LRMDA: variants seen among roughly 807,000 people sequenced by gnomAD.
LRMDA encodes the protein leucine rich melanocyte differentiation associated, also known as leucine-rich melanocyte differentiation-associated protein.
In LRMDA, 18 loss-of-function variants were observed where a neutral mutation model predicts 29.8. That is an observed-to-expected ratio of 0.60 (90% confidence interval 0.42 to 0.90). The LOEUF is 0.90. Among genes scored for constraint, LRMDA ranks in the 40% least tolerant of loss-of-function variants. LRMDA has a pLI of 0.00. For missense variants in LRMDA, 273 were observed against 273.9 expected (o/e 1.00, Z 0.02); for synonymous variants, 125 against 109.4 (o/e 1.14, Z -0.89).
chr10:76,110,022 GCCACAGTTT>G (rs1849551573), intron 5 of LRMDA, among the ~76,000 whole-genome samples: 1 of 152,146 alleles, frequency 6.6e-6, no homozygotes, highest in Non-Finnish European at 1.5e-5. Flanking sequence ...TCATGGGACA[GCCACAGTTT>G]GAAAGTACTC....
chr10:75,520,075 T>A (rs550605517), intron 2 of LRMDA, among the ~76,000 whole-genome samples: 5 of 152,346 alleles, frequency 3.3e-5, no homozygotes, highest in African/African-American at 9.6e-5. Context: ...CTTCCCTTTG[T>A]GGGTAACCCG....
At chr10:75,859,661 G>T (rs918705661) in intron 2 of LRMDA, among the ~76,000 whole-genome samples, 2 of 144,928 alleles carry the variant, frequency 1.4e-5, no homozygotes, top group Non-Finnish European at 3.0e-5. Context: ...ATCTGGCCTC[G>T]ATGCCTCATA....
intron 6 of LRMDA, among the ~76,000 whole-genome samples, chr10:76,338,515 A>T (rs960971540): frequency 1.3e-5 from 2 of 152,174 alleles, no homozygotes; most frequent in African/African-American, 4.8e-5. Context: ...CACATGGGTC[A>T]CATTGTCTGT....
rs932506239 is a variant in LRMDA, at chr10:76,540,165, C to T, written c.602-17044C>T. The stretch of plus-strand genomic sequence containing the variant: ...CATGCCCATATTCAACACACATGCA[C>T]GCAAAACATGCAACACACATTAGTG... On this transcript the variant is annotated intron_variant, in intron 6 of 6. Transcript: ENST00000611255. Among the ~76,000 whole-genome samples the T allele has an allele frequency of 6.0e-5, 9 of 150,912 alleles. No homozygotes were observed. In the South Asian group the frequency reaches 8.3e-4, roughly 14 times the overall value.
chr10:76,174,774 G>A (rs1341823985), intron 5 of LRMDA, among the ~76,000 whole-genome samples: 5 of 152,170 alleles, frequency 3.3e-5, no homozygotes, highest in African/African-American at 4.8e-5. Context: ...TCAAATACAA[G>A]TTTCACCATT....
intron 2 of LRMDA, among the ~76,000 whole-genome samples, chr10:75,479,321 C>G (rs1370160319): frequency 1.3e-5 from 2 of 151,976 alleles, no homozygotes; most frequent in Non-Finnish European, 2.9e-5. Flanking sequence ...TCCTACATAA[C>G]ACGGTGAAAC....
At chr10:75,833,291 A>G (rs1006165356) in intron 2 of LRMDA, among the ~76,000 whole-genome samples, 10 of 152,198 alleles carry the variant, frequency 6.6e-5, no homozygotes, top group Non-Finnish European at 1.2e-4. Flanking sequence ...CCACGTATTA[A>G]AGCCTGAAAG....
intron 5 of LRMDA, among the ~76,000 whole-genome samples, chr10:76,297,542 T>C (rs2132355909): frequency 6.6e-6 from 1 of 152,358 alleles, no homozygotes; most frequent in African/African-American, 2.4e-5. Context: ...TTGGAGTTGT[T>C]CATTCCAGCT....
intron 2 of LRMDA, among the ~76,000 whole-genome samples, chr10:75,827,738 A>T: frequency 6.6e-6 from 1 of 152,242 alleles, no homozygotes; most frequent in East Asian, 1.9e-4. Context: ...TGCAGAATGT[A>T]CGTTATCCAT....
At chr10:75,602,885 G>A (rs1056333731) in intron 2 of LRMDA, among the ~76,000 whole-genome samples, 4 of 152,144 alleles carry the variant, frequency 2.6e-5, no homozygotes, top group Non-Finnish European at 5.9e-5. Flanking sequence ...GTGAAAGAAC[G>A]TAAGAAATAC....
At chr10:76,348,010 G>A (rs950486883) in intron 6 of LRMDA, among the ~76,000 whole-genome samples, 10 of 152,152 alleles carry the variant, frequency 6.6e-5, no homozygotes, top group Non-Finnish European at 1.5e-4. Context: ...ACTAGGAGGT[G>A]TGGTACATGC....
At chr10:76,439,419 A>C (rs540069496) in intron 6 of LRMDA, among the ~76,000 whole-genome samples, 3 of 152,186 alleles carry the variant, frequency 2.0e-5, no homozygotes, top group African/African-American at 7.2e-5. Context: ...TTGAGGGTGC[A>C]TGGTGGTTCA....
chr10:76,000,495 T>C (rs1847544044), intron 2 of LRMDA, among the ~76,000 whole-genome samples: 1 of 152,180 alleles, frequency 6.6e-6, no homozygotes, highest in East Asian at 1.9e-4. Context: ...GGGAAGGCAG[T>C]CCCAGCCTCA....
At chr10:75,962,317 T>A (rs1430710614) in intron 2 of LRMDA, among the ~76,000 whole-genome samples, 1 of 152,204 alleles carries the variant, frequency 6.6e-6, no homozygotes, top group African/African-American at 2.4e-5. Context: ...GAGCAGTGGC[T>A]TGCAAAGTGG....
intron 2 of LRMDA, among the ~76,000 whole-genome samples, chr10:75,564,422 C>T (rs1445624970): frequency 1.3e-5 from 2 of 152,222 alleles, no homozygotes; most frequent in Non-Finnish European, 2.9e-5. Flanking sequence ...CCCAATTTTC[C>T]AGGTGCCGTC....
chr10:76,055,089 A>AAAAAAG (rs1195089383), intron 4 of LRMDA, among the ~76,000 whole-genome samples: 4,557 of 124,988 alleles, frequency 0.036, 141 homozygotes, highest in Non-Finnish European at 0.059. Flanking sequence ...AAAAAAAAAA[A>AAAAAAG]AAAAAGAAAA....
At chr10:75,530,502 G>C (rs575306758) in intron 2 of LRMDA, among the ~76,000 whole-genome samples, 1 of 152,164 alleles carries the variant, frequency 6.6e-6, no homozygotes, top group African/African-American at 2.4e-5. Flanking sequence ...CCTTGCTGCT[G>C]ACCTCAGTGT....
intron 2 of LRMDA, among the ~76,000 whole-genome samples, chr10:75,854,902 AT>A (rs1458844323): frequency 6.6e-6 from 1 of 152,150 alleles, no homozygotes; most frequent in Admixed American, 6.5e-5. Flanking sequence ...TGAACTCATC[AT>A]TTTTTATGGC....
chr10:75,716,801 A>G (rs1842506079), intron 2 of LRMDA, among the ~76,000 whole-genome samples: 1 of 152,214 alleles, frequency 6.6e-6, no homozygotes, highest in African/African-American at 2.4e-5. Context: ...TCCGTTTATA[A>G]TAAATCTCAG....
Sources: allele counts gnomAD v4.1 joint callset (sites outside exome capture counted in the v4.1 genomes callset), GRCh38; gene constraint gnomAD v4.1.1; transcripts MANE v1.5; gene names NCBI Gene and HGNC (gene_info 2026-07-23, HGNC 2026-07-21).